Variants in ADCY9 observed in about 807,000 individuals in gnomAD.
The protein encoded by ADCY9 is adenylate cyclase 9.
A neutral mutation model predicts 101.5 loss-of-function variants in ADCY9; 50 were observed. The observed-to-expected ratio is 0.49, with a 90% CI of 0.39 to 0.62. The LOEUF (loss-of-function observed/expected upper bound fraction) is 0.62. ADCY9 is among the 20% of genes least tolerant of loss of function. The pLI, the probability that ADCY9 is intolerant of heterozygous loss-of-function variation, is 0.00. For missense variants in ADCY9, 1,662 were observed against 1,800.4 expected, an observed-to-expected ratio of 0.92 and a Z score of 1.39; for synonymous variants, 905 against 769.3, an observed-to-expected ratio of 1.18 and a Z score of -2.92.
At chr16:4,081,596 G>A (rs1185005328) in intron 2 of ADCY9, among the ~76,000 whole-genome samples, 1 of 152,190 alleles carries the variant, frequency 6.6e-6, no homozygotes, top group Non-Finnish European at 1.5e-5. Context: ...AAGCCTTCGA[G>A]AGTGCTTTTA....
At position 3,964,621 on chromosome 16, in the gene ADCY9, T is replaced by C. The variant is rs1171422418; in HGVS notation, c.*1154A>G. ...GGCACAGACCCCCGTGGTTCTGAGC[T>C]GGACCCCGGCAGGGAGGAGCCCCCG... On this transcript the variant is annotated 3_prime_UTR_variant, in exon 11 of 11. Transcript: ENST00000294016. 6.5e-6 allele frequency: 1 copy of C among 152,694 alleles called. No individual in the cohort carries two copies. The highest frequency in any genetic ancestry group is 1.5e-5 in the Non-Finnish European group (1 of 68,448). The allele number at this position is 152,694 out of a possible 1,614,324, so 9.5% of individuals were successfully genotyped here. A position where few individuals can be genotyped will look rare whatever the true frequency, so the allele number is the denominator to read the frequency against.
chr16:4,088,046 C>G (rs1445185545), intron 2 of ADCY9, among the ~76,000 whole-genome samples: 1 of 151,624 alleles, frequency 6.6e-6, no homozygotes, highest in African/African-American at 2.4e-5. Flanking sequence ...GCTGAGACTA[C>G]AGGTATGTGC....
chr16:4,046,202 G>A (rs1440610926), intron 2 of ADCY9, among the ~76,000 whole-genome samples: 1 of 152,106 alleles, frequency 6.6e-6, no homozygotes, highest in African/African-American at 2.4e-5. Context: ...TTAAGTATCT[G>A]TCCGGAGTCG....
chr16:4,070,533 T>G (rs567661828), intron 2 of ADCY9, among the ~76,000 whole-genome samples: 1 of 152,248 alleles, frequency 6.6e-6, no homozygotes, highest in African/African-American at 2.4e-5. Flanking sequence ...AAATTAAAAC[T>G]GGCTGGGCCT....
Position 3,983,263 on chromosome 16 carries a change from G to T in ADCY9, c.2488C>A (p.Leu830Met), listed in dbSNP as rs929877484. 2.6e-6 allele frequency: 4 copies of T among 1,552,682 alleles called. No individual in the cohort carries two copies. The African/African-American group carries it at 5.5e-5, about 21-fold the overall frequency. The change falls in exon 7 of 11, where the codon CTG becomes ATG. Residue 830 changes from leucine to methionine, a missense_variant. This residue lies in a region of ADCY9 where 624 missense variants were observed against 639.1 expected (regional missense o/e 0.98). Transcript: ENST00000294016. Reference sequence around the variant, plus strand: ...GACACCGCGAGGGACAGCACCTCCAGCAGCAGGGCTGCACTGAAGACCGCC... The same window carrying T: ...GACACCGCGAGGGACAGCACCTCCATCAGCAGGGCTGCACTGAAGACCGCC... ...ALAVFSAALL[L>M]EVLSLAVSIR...
At chr16:4,112,764 G>T (rs922534087) in intron 2 of ADCY9, among the ~76,000 whole-genome samples, 2 of 152,110 alleles carry the variant, frequency 1.3e-5, no homozygotes, top group African/African-American at 4.8e-5. Flanking sequence ...CACAACAGAT[G>T]TTCCCCTCAA....
downstream of ADCY9, among the ~76,000 whole-genome samples, chr16:3,960,655 G>GA (rs937477484): frequency 1.3e-5 from 2 of 151,504 alleles, no homozygotes; most frequent in Admixed American, 6.6e-5. Flanking sequence ...CCCCACCCCG[G>GA]AAAAAAAACA....
At chr16:4,037,439 CCA>C (rs147430601) in intron 2 of ADCY9, among the ~76,000 whole-genome samples, 1,578 of 152,288 alleles carry the variant, frequency 0.01, 15 homozygotes, top group African/African-American at 0.036. Context: ...TATACATATA[CCA>C]CAGTTTCTTT....
chr16:4,102,669 C>A (rs1262456423), intron 2 of ADCY9, among the ~76,000 whole-genome samples: 1 of 152,160 alleles, frequency 6.6e-6, no homozygotes, highest in African/African-American at 2.4e-5. Flanking sequence ...AGGTGATCCG[C>A]CCGCCTCGGC....
At chr16:4,080,825 C>T (rs954801772) in intron 2 of ADCY9, among the ~76,000 whole-genome samples, 1 of 151,028 alleles carries the variant, frequency 6.6e-6, no homozygotes, top group Non-Finnish European at 1.5e-5. Flanking sequence ...TCTTTAAACT[C>T]CTAATTCAAA....
At chr16:4,008,042 A>T (rs2056379004) in intron 2 of ADCY9, among the ~76,000 whole-genome samples, 1 of 151,970 alleles carries the variant, frequency 6.6e-6, no homozygotes, top group African/African-American at 2.4e-5. Context: ...ACCCCGAAAA[A>T]CAAGACCCTA....
intron 7 of ADCY9, 52 bp downstream of exon 7, chr16:3,983,180 G>C: frequency 6.7e-7 from 1 of 1,485,294 alleles, no homozygotes; most frequent in Non-Finnish European, 9.1e-7. Context: ...CATGGAGCCA[G>C]AAGAGGGAGC....
chr16:4,049,084 G>A (rs1406107381), intron 2 of ADCY9, among the ~76,000 whole-genome samples: 4 of 151,976 alleles, frequency 2.6e-5, no homozygotes, highest in African/African-American at 9.7e-5. Flanking sequence ...ACACTACTAA[G>A]AGCAAGCGAC....
chr16:4,100,392 C>T (rs1261424188), intron 2 of ADCY9, among the ~76,000 whole-genome samples: 3 of 151,996 alleles, frequency 2.0e-5, no homozygotes, highest in Non-Finnish European at 2.9e-5. Flanking sequence ...TACAGTGGCG[C>T]GATCTGGGCT....
At chr16:4,099,183 T>C (rs2057027124) in intron 2 of ADCY9, among the ~76,000 whole-genome samples, 1 of 152,148 alleles carries the variant, frequency 6.6e-6, no homozygotes, top group Non-Finnish European at 1.5e-5. Flanking sequence ...TCCACCCGCC[T>C]CAGCTTCCCA....
intron 3 of ADCY9, among the ~76,000 whole-genome samples, chr16:3,998,967 C>G (rs1366159826): frequency 1.3e-5 from 2 of 151,648 alleles, no homozygotes; most frequent in Admixed American, 1.3e-4. Flanking sequence ...TGGCAATTTT[C>G]CTTGAGCGAT....
intron 2 of ADCY9, among the ~76,000 whole-genome samples, chr16:4,065,301 A>G (rs1047200139): frequency 6.6e-6 from 1 of 152,154 alleles, no homozygotes; most frequent in Admixed American, 6.6e-5. Context: ...TTCACTTTCA[A>G]TTCCAAACTG....
chr16:3,983,527 C>A, intron 6 of ADCY9, 87 bp from the exon 7 acceptor site: 1 of 1,125,428 alleles, frequency 8.9e-7, no homozygotes. Flanking sequence ...GCAACACGTG[C>A]GGAGCACTGC....
At chr16:3,997,291 C>T (rs947395110) in intron 3 of ADCY9, among the ~76,000 whole-genome samples, 10 of 152,252 alleles carry the variant, frequency 6.6e-5, no homozygotes, top group Non-Finnish European at 1.5e-4. Flanking sequence ...ACCAACTTGG[C>T]ACCAGAGGGC....
Sources: gnomAD v4.1 joint callset for allele counts (sites outside exome capture counted in the v4.1 genomes callset) on GRCh38, gnomAD v4.1.1 for gene constraint, gnomAD v4.1.1 regional missense constraint, MANE v1.5 for transcripts, NCBI Gene and HGNC (gene_info 2026-07-23, HGNC 2026-07-21) for gene names.